ZC3H6: variants seen among roughly 807,000 people sequenced by gnomAD.
ZC3H6 encodes the protein zinc finger CCCH-type containing 6.
In ZC3H6, 40 loss-of-function variants were observed where a neutral mutation model predicts 107.7. The ratio of observed to expected loss-of-function variants is 0.37; its 90% CI spans 0.29 to 0.48. The LOEUF is 0.48. Among genes scored for constraint, ZC3H6 ranks in the 20% least tolerant of loss-of-function variants. ZC3H6 has a pLI of 0.98. For missense variants in ZC3H6, 1,267 were observed against 1,410.4 expected (o/e 0.90, Z 1.63); for synonymous variants, 493 against 487.9 (o/e 1.01, Z -0.14).
intron 6 of ZC3H6, 135 bp downstream of exon 6, chr2:112,316,721 C>T: frequency 1.7e-6 from 1 of 588,160 alleles, no homozygotes; most frequent in South Asian, 2.3e-5. Context: ...ATGTATCTTG[C>T]ATGGAAATAC....
In ZC3H6 at chr2:112,315,581, CTTTTTTTTTGT is replaced by C. The variant is rs767526205; in HGVS notation, c.748-875_748-865del. On this transcript the variant is annotated intron_variant, in intron 5 of 11. Coordinates refer to ENST00000409871, the MANE Select transcript of ZC3H6 (RefSeq NM_198581.3). ...TTTTTACTTCATAAAATATTGTAAACTTTTTTTTTGTTTTTTTTTTGTTTGTTTGTTTGAGA... is the reference window on the plus strand; with the variant it reads ...TTTTTACTTCATAAAATATTGTAAACTTTTTTTTTGTTTGTTTGTTTGAGA... 5.7e-4 allele frequency among the ~76,000 whole-genome samples: 85 copies of C among 150,438 alleles called. 1 individual carries two copies. The highest frequency in any genetic ancestry group is 4.0e-3 in the South Asian group (19 of 4,754).
intron 8 of ZC3H6, among the ~76,000 whole-genome samples, chr2:112,322,317 T>C (rs1676817972): frequency 6.6e-6 from 1 of 151,858 alleles, no homozygotes. Context: ...ACCCTGCTCC[T>C]TGCCAACCCC....
chr2:112,276,520 T>C (rs1027004970), intron 1 of ZC3H6, among the ~76,000 whole-genome samples: 3 of 152,196 alleles, frequency 2.0e-5, no homozygotes, highest in African/African-American at 7.2e-5. Context: ...CCATCTGTTG[T>C]ATACAGTCTT....
chr2:112,277,113 C>T (rs577237741), intron 1 of ZC3H6, among the ~76,000 whole-genome samples: 1 of 152,226 alleles, frequency 6.6e-6, no homozygotes, highest in South Asian at 2.1e-4. Context: ...ATCTAAATAC[C>T]TAGCAATCTT....
In ZC3H6 at chr2:112,333,195, A is replaced by G. The variant is rs1677070901; in HGVS notation, c.*707A>G. ...TAACTTTTTACATTTAATTTTTCAT[A>G]TGAAATAGCAATTAGTTACTGCTGT... On this transcript the variant is annotated 3_prime_UTR_variant, in exon 12 of 12. Coordinates refer to ENST00000409871, the MANE Select transcript of ZC3H6 (RefSeq NM_198581.3). 6.6e-6 allele frequency: 1 copy of G among 152,622 alleles called. No homozygotes were observed. Among genetic ancestry groups the G allele is most frequent in the African/African-American group, 2.4e-5 (1 of 41,466 alleles). The allele number at this position is 152,622 out of a possible 1,614,324, so 9.5% of individuals were successfully genotyped here.
At chr2:112,287,857 C>T (rs1233674370) in intron 1 of ZC3H6, among the ~76,000 whole-genome samples, 6 of 152,272 alleles carry the variant, frequency 3.9e-5, no homozygotes, top group Admixed American at 2.6e-4. Context: ...CTGCCTTGGC[C>T]TCCCAAAGTA....
intron 1 of ZC3H6, among the ~76,000 whole-genome samples, chr2:112,289,288 C>A (rs763211328): frequency 6.8e-6 from 1 of 146,194 alleles, no homozygotes; most frequent in African/African-American, 2.5e-5. Flanking sequence ...ATGAGCCACC[C>A]GTGCCAGGCC....
chr2:112,286,702 G>A (rs1297100209), intron 1 of ZC3H6, among the ~76,000 whole-genome samples: 1 of 152,212 alleles, frequency 6.6e-6, no homozygotes, highest in Non-Finnish European at 1.5e-5. Context: ...GCCTTCCAAA[G>A]TGCTGGGCTC....
chr2:112,276,191 G>T (rs1053387870), intron 1 of ZC3H6, among the ~76,000 whole-genome samples, 165 bp downstream of exon 1: 11 of 147,904 alleles, frequency 7.4e-5, no homozygotes, highest in Non-Finnish European at 1.4e-4. Flanking sequence ...CGCGGCCGCG[G>T]GGGAGGTCGG....
rs1422701388 is a variant in ZC3H6, at chr2:112,322,718, A to G, written c.1156A>G (p.Ile386Val). Residue 386 changes from isoleucine to valine, a missense_variant, in exon 9 of 12, where the codon ATA becomes GTA. By Grantham distance (29) the Ile-to-Val change is conservative (BLOSUM62 3). Transcript: ENST00000409871. ...ATTAGAGGAACTTAGAAAGCGTGGCATAACTCCTCTTCCCAAACCACCTCC... is the reference window on the plus strand; with the variant it reads ...ATTAGAGGAACTTAGAAAGCGTGGCGTAACTCCTCTTCCCAAACCACCTCC... ...RELEELRKRGITPLPKPPPGV... is the reference protein window; with the variant it reads ...RELEELRKRGVTPLPKPPPGV... The G allele has an allele frequency of 1.9e-6, 3 of 1,613,854 alleles. No individual in the cohort carries two copies. Among genetic ancestry groups the G allele is most frequent in the Non-Finnish European group, 2.5e-6 (3 of 1,179,824 alleles).
chr2:112,279,153 G>T (rs1354275932), intron 1 of ZC3H6, among the ~76,000 whole-genome samples: 1 of 152,178 alleles, frequency 6.6e-6, no homozygotes, highest in Non-Finnish European at 1.5e-5. Context: ...GGTCTTTAGG[G>T]ATTTAGGGAA....
At chr2:112,287,439 T>C (rs1481738396) in intron 1 of ZC3H6, among the ~76,000 whole-genome samples, 1 of 152,208 alleles carries the variant, frequency 6.6e-6, no homozygotes, top group Non-Finnish European at 1.5e-5. Flanking sequence ...ATTTTAGGAA[T>C]AGTGTGGTTT....
chr2:112,283,854 C>T (rs1365226123), intron 1 of ZC3H6, among the ~76,000 whole-genome samples: 2 of 152,182 alleles, frequency 1.3e-5, no homozygotes, highest in African/African-American at 2.4e-5. Context: ...GAATCACAGA[C>T]AATTTCATCT....
chr2:112,323,043 T>C, intron 9 of ZC3H6, 141 bp downstream of exon 9: 1 of 924,434 alleles, frequency 1.1e-6, no homozygotes, highest in Non-Finnish European at 1.6e-6. Flanking sequence ...AGATTGTTGC[T>C]TCCACCTTTG....
intron 1 of ZC3H6, among the ~76,000 whole-genome samples, chr2:112,287,375 G>A (rs1259623106): frequency 6.6e-6 from 1 of 152,126 alleles, no homozygotes; most frequent in Non-Finnish European, 1.5e-5. Flanking sequence ...AGCTAATTCA[G>A]TTTGACTTAT....
At position 112,317,330 on chromosome 2, in the gene ZC3H6, A is replaced by G. The variant is rs778944072; in HGVS notation, c.974A>G (p.His325Arg). 7.0e-7 allele frequency: 1 copy of G among 1,420,478 alleles called. No individual in the cohort carries two copies. The highest frequency in any genetic ancestry group is 9.6e-7 in the Non-Finnish European group (1 of 1,038,234). The allele number at this position is 1,420,478 out of a possible 1,614,324, so 88.0% of individuals were successfully genotyped here. ...CTKGENCIYM[H>R]NEFPCKFYHS... is the part of the protein sequence containing the mutation. ...AAAGGAGAGAACTGCATTTATATGCATAATATCCTTTATTTAAAATGTATG... is the reference window on the plus strand; with the variant it reads ...AAAGGAGAGAACTGCATTTATATGCGTAATATCCTTTATTTAAAATGTATG... The change falls in exon 7 of 12, where the codon CAT becomes CGT. Residue 325 changes from histidine to arginine, a missense_variant and splice_region_variant. By Grantham distance (29) the His-to-Arg change is conservative. This residue lies in a region of ZC3H6 where 925 missense variants were observed against 1,025.7 expected (regional missense o/e 0.90). Coordinates refer to ENST00000409871, the MANE Select transcript of ZC3H6 (RefSeq NM_198581.3).
chr2:112,305,235 A>G (rs1676454221), intron 3 of ZC3H6, among the ~76,000 whole-genome samples: 1 of 152,244 alleles, frequency 6.6e-6, no homozygotes. Context: ...AAGGATGGGC[A>G]TTATTATTTC....
intron 9 of ZC3H6, among the ~76,000 whole-genome samples, chr2:112,323,759 A>T (rs1676849486): frequency 6.6e-6 from 1 of 152,252 alleles, no homozygotes; most frequent in South Asian, 2.1e-4. Context: ...ACAAATTATT[A>T]TAAAAAGTTG....
chr2:112,318,609 A>T (rs1042119590), intron 7 of ZC3H6, among the ~76,000 whole-genome samples: 3 of 152,144 alleles, frequency 2.0e-5, no homozygotes, highest in Non-Finnish European at 4.4e-5. Flanking sequence ...TTGCAAAAAT[A>T]AAAAAATCGT....
Sources: allele counts gnomAD v4.1 joint callset (sites outside exome capture counted in the v4.1 genomes callset), GRCh38; gene constraint gnomAD v4.1.1; regional missense constraint gnomAD v4.1.1; transcripts MANE v1.5; gene names NCBI Gene and HGNC (gene_info 2026-07-23, HGNC 2026-07-21).